Variants in HHAT observed in about 807,000 individuals in gnomAD.
The protein encoded by HHAT is protein-cysteine N-palmitoyltransferase HHAT.
HHAT carries 47 observed loss-of-function variants against 70.8 expected under a neutral mutation model. The observed-to-expected ratio is 0.66, with a 90% CI of 0.53 to 0.85. The LOEUF (loss-of-function observed/expected upper bound fraction) is 0.85. HHAT is among the 40% of genes least tolerant of loss of function. The pLI is 0.00. For synonymous variants in HHAT, 228 were observed against 247.6 expected (o/e 0.92, Z 0.74); for missense variants, 609 against 604.8 (o/e 1.01, Z -0.07).
intron 11 of HHAT, among the ~76,000 whole-genome samples, chr1:210,670,723 TAA>T (rs1306265717): frequency 6.6e-6 from 1 of 152,204 alleles, no homozygotes; most frequent in African/African-American, 2.4e-5. Context: ...GTGTGTGCTT[TAA>T]AAAGTCCAGT....
intron 10 of HHAT, among the ~76,000 whole-genome samples, chr1:210,592,529 C>G (rs530171966): frequency 2.1e-5 from 3 of 141,064 alleles, no homozygotes; most frequent in African/African-American, 7.6e-5. Context: ...TTTTGTGGTT[C>G]CATATAAGTT....
intron 3 of HHAT, among the ~76,000 whole-genome samples, chr1:210,386,239 T>TTC (rs2091051022): frequency 2.0e-5 from 2 of 100,810 alleles, no homozygotes; most frequent in African/African-American, 7.9e-5. Context: ...TCTTTTTTTT[T>TTC]TTTTTTTTTT....
At chr1:210,460,427 C>G (rs2093955163) in intron 7 of HHAT, among the ~76,000 whole-genome samples, 2 of 152,294 alleles carry the variant, frequency 1.3e-5, no homozygotes, top group African/African-American at 2.4e-5. Context: ...TTCCAAGCAC[C>G]TAGAACCATG....
chr1:210,626,929 T>C (rs139392545), intron 11 of HHAT, among the ~76,000 whole-genome samples: 1 of 152,320 alleles, frequency 6.6e-6, no homozygotes, highest in East Asian at 1.9e-4. Context: ...CCTTGTAGTC[T>C]TGGCATCTTC....
chr1:210,495,537 A>G (rs1180109890), intron 8 of HHAT, among the ~76,000 whole-genome samples: 2 of 152,176 alleles, frequency 1.3e-5, no homozygotes, highest in African/African-American at 4.8e-5. Flanking sequence ...AGATATGGAT[A>G]TGGTTTGTTA....
At chr1:210,495,733 C>T (rs373985891) in intron 8 of HHAT, among the ~76,000 whole-genome samples, 4 of 152,046 alleles carry the variant, frequency 2.6e-5, no homozygotes, top group Admixed American at 1.3e-4. Context: ...TAAGACCAAA[C>T]GTGGTGGCTC....
At chr1:210,396,729 A>G (rs2091809279) in intron 4 of HHAT, among the ~76,000 whole-genome samples, 1 of 152,222 alleles carries the variant, frequency 6.6e-6, no homozygotes, top group South Asian at 2.1e-4. Flanking sequence ...AAGCTGTGGT[A>G]TATCCACATC....
intron 1 of HHAT, among the ~76,000 whole-genome samples, chr1:210,344,605 C>T (rs2086343212): frequency 1.3e-5 from 2 of 152,154 alleles, no homozygotes; most frequent in Admixed American, 1.3e-4. Context: ...CCATCAACCC[C>T]AAATTTGGAA....
chr1:210,630,752 C>A (rs116085638), intron 11 of HHAT, among the ~76,000 whole-genome samples: 1 of 152,178 alleles, frequency 6.6e-6, no homozygotes, highest in South Asian at 2.1e-4. Context: ...CTGTGTGATA[C>A]AATTCCAGAG....
intron 9 of HHAT, among the ~76,000 whole-genome samples, chr1:210,537,289 CCTT>C (rs767972527): frequency 1.1e-4 from 16 of 152,148 alleles, no homozygotes; most frequent in Non-Finnish European, 1.6e-4. Context: ...AGTCCCTCAC[CCTT>C]CTTCTGCTGT....
chr1:210,346,341 C>G (rs115956854), intron 1 of HHAT, among the ~76,000 whole-genome samples: 1,832 of 152,100 alleles, frequency 0.012, 20 homozygotes, highest in Middle Eastern at 0.041. Flanking sequence ...TTTTGACAGG[C>G]GAGACATTAA....
intron 4 of HHAT, among the ~76,000 whole-genome samples, 175 bp from the exon 5 acceptor site, chr1:210,400,293 T>C (rs1489065567): frequency 1.3e-5 from 2 of 152,206 alleles, no homozygotes; most frequent in Non-Finnish European, 2.9e-5. Context: ...ATCTTGTTTG[T>C]CTGTGTTGTA....
At chr1:210,373,473 CAG>C (rs1354221664) in intron 3 of HHAT, among the ~76,000 whole-genome samples, 26 of 152,208 alleles carry the variant, frequency 1.7e-4, no homozygotes, top group African/African-American at 6.3e-4. Flanking sequence ...AGCGAGATCA[CAG>C]GGGCACGTGG....
At chr1:210,378,166 A>T (rs947386884) in intron 3 of HHAT, among the ~76,000 whole-genome samples, 1 of 152,160 alleles carries the variant, frequency 6.6e-6, no homozygotes, top group African/African-American at 2.4e-5. Context: ...TTACAAAATT[A>T]GTCTCCTTTT....
chr1:210,577,642 T>TA (rs1369830693), intron 9 of HHAT, among the ~76,000 whole-genome samples: 3 of 117,292 alleles, frequency 2.6e-5, no homozygotes, highest in Non-Finnish European at 5.2e-5. Context: ...GTAGGATTTT[T>TA]TTTTTTTTTT....
At chr1:210,510,158 G>T (rs1348788088) in intron 8 of HHAT, among the ~76,000 whole-genome samples, 1 of 152,178 alleles carries the variant, frequency 6.6e-6, no homozygotes, top group Non-Finnish European at 1.5e-5. Context: ...AGTAGGTGGT[G>T]TGCTAAAGCT....
chr1:210,487,612 G>A (rs530917279), intron 8 of HHAT, among the ~76,000 whole-genome samples: 1 of 152,180 alleles, frequency 6.6e-6, no homozygotes, highest in Non-Finnish European at 1.5e-5. Flanking sequence ...AGAGATGCTG[G>A]TGAAGGGGTT....
chr1:210,548,367 G>T (rs888770865), intron 9 of HHAT, among the ~76,000 whole-genome samples: 1 of 152,214 alleles, frequency 6.6e-6, no homozygotes, highest in African/African-American at 2.4e-5. Context: ...TTAAAATGTT[G>T]TATCCCCAGA....
intron 2 of HHAT, among the ~76,000 whole-genome samples, chr1:210,361,830 TC>T (rs1414504765): frequency 6.6e-6 from 1 of 152,150 alleles, no homozygotes; most frequent in Non-Finnish European, 1.5e-5. Flanking sequence ...CTTAGAGCAT[TC>T]CTTTGAGCTC....
Sources: gnomAD v4.1 joint callset for allele counts (sites outside exome capture counted in the v4.1 genomes callset) on GRCh38, gnomAD v4.1.1 for gene constraint, MANE v1.5 for transcripts, NCBI Gene and HGNC (gene_info 2026-07-23, HGNC 2026-07-21) for gene names.